DLG2: variants seen among roughly 807,000 people sequenced by gnomAD.
DLG2 encodes the protein discs large MAGUK scaffold protein 2.
DLG2 carries 45 observed loss-of-function variants against 132.5 expected under a neutral mutation model. That is an observed-to-expected ratio of 0.34 (90% CI 0.27 to 0.44). DLG2 has a LOEUF of 0.44. Among genes scored for constraint, DLG2 ranks in the 20% least tolerant of loss-of-function variants. DLG2 has a pLI of 1.00. For missense variants in DLG2, 1,045 were observed against 1,196.9 expected (o/e 0.87, Z 1.87); for synonymous variants, 424 against 419.6 (o/e 1.01, Z -0.13).
intron 6 of DLG2, among the ~76,000 whole-genome samples, chr11:84,675,445 A>G (rs933275952): frequency 6.6e-6 from 1 of 152,088 alleles, no homozygotes; most frequent in Non-Finnish European, 1.5e-5. Context: ...TATTTTTAAC[A>G]AATAAGATGA....
In DLG2 at chr11:84,709,638, G is replaced by A. The variant is rs2060148958; in HGVS notation, c.358-174907C>T. Among the ~76,000 whole-genome samples the A allele has an allele frequency of 2.6e-5, 4 of 151,966 alleles. No homozygotes were observed. The South Asian group carries it at 8.3e-4, about 32-fold the overall frequency. On this transcript the variant is annotated intron_variant, in intron 6 of 27. Transcript: ENST00000376104. ...CTCAGGACTTGCTTCTTACATCTATGTTTGCCTGCCCAAGAGCATACACAG... is the reference window on the plus strand; with the variant it reads ...CTCAGGACTTGCTTCTTACATCTATATTTGCCTGCCCAAGAGCATACACAG...
At chr11:84,001,737 G>A (rs192448234) in intron 11 of DLG2, among the ~76,000 whole-genome samples, 52 of 152,146 alleles carry the variant, frequency 3.4e-4, no homozygotes, top group African/African-American at 1.2e-3. Context: ...ATCTTATTGA[G>A]TATATTCTCA....
rs182588828 is a variant in DLG2, at chr11:85,433,383, A to C, written c.41-148018T>G. On this transcript the variant is annotated intron_variant, in intron 3 of 27. Transcript: ENST00000376104. ...AGACACAGACTGGCAAATTGGATAG[A>C]GTCAAAACCCACCAGTGTTCTGTAT... Among the ~76,000 whole-genome samples the C allele has an allele frequency of 7.2e-5, 11 of 152,304 alleles. 1 individual carries two copies. The East Asian group carries it at 2.1e-3, about 29-fold the overall frequency.
intron 22 of DLG2, among the ~76,000 whole-genome samples, chr11:83,474,107 C>T (rs1199563625): frequency 6.6e-6 from 1 of 152,032 alleles, no homozygotes; most frequent in Non-Finnish European, 1.5e-5. Context: ...AGAGAGTGGA[C>T]CTTGATGCTC....
intron 6 of DLG2, among the ~76,000 whole-genome samples, chr11:84,645,836 T>A (rs946799651): frequency 2.0e-5 from 3 of 152,210 alleles, no homozygotes; most frequent in African/African-American, 4.8e-5. Context: ...CCGTGCTTGA[T>A]TTTATTAATT....
chr11:84,699,519 A>C (rs1247221749), intron 6 of DLG2, among the ~76,000 whole-genome samples: 3 of 151,498 alleles, frequency 2.0e-5, no homozygotes, highest in Non-Finnish European at 4.4e-5. Flanking sequence ...AGACTAACTC[A>C]AGCAAAGTAA....
At chr11:83,537,831 AAAAAGAGAG>A (rs1193159813) in intron 20 of DLG2, among the ~76,000 whole-genome samples, 31 of 134,440 alleles carry the variant, frequency 2.3e-4, no homozygotes, top group African/African-American at 3.9e-4. Context: ...AAAAAAAAAA[AAAAAGAGAG>A]AGAGAGATAC....
chr11:83,517,068 C>T (rs1171225569), intron 21 of DLG2, among the ~76,000 whole-genome samples: 1 of 152,116 alleles, frequency 6.6e-6, no homozygotes, highest in Non-Finnish European at 1.5e-5. Context: ...TGAATGTTGG[C>T]CTGCCTTGCT....
At chr11:85,290,005 C>T (rs2078795010) in intron 3 of DLG2, among the ~76,000 whole-genome samples, 3 of 152,172 alleles carry the variant, frequency 2.0e-5, no homozygotes. Context: ...GGAATGAAGA[C>T]AATGTTCTAT....
intron 6 of DLG2, among the ~76,000 whole-genome samples, chr11:84,611,871 T>G (rs1190501327): frequency 6.6e-6 from 1 of 151,842 alleles, no homozygotes; most frequent in African/African-American, 2.4e-5. Context: ...ATGGGAAGAG[T>G]TGTAAAAATA....
At chr11:83,611,806 G>C (rs1351838267) in intron 19 of DLG2, among the ~76,000 whole-genome samples, 1 of 152,188 alleles carries the variant, frequency 6.6e-6, no homozygotes, top group Non-Finnish European at 1.5e-5. Context: ...GACACTGAGG[G>C]CTTGTTGCCA....
intron 6 of DLG2, among the ~76,000 whole-genome samples, chr11:84,542,233 T>C (rs1327518717): frequency 2.0e-5 from 3 of 152,146 alleles, no homozygotes; most frequent in African/African-American, 7.2e-5. Flanking sequence ...TGGCATATTA[T>C]CATACCTAAT....
chr11:84,325,205 G>A (rs569460629), intron 7 of DLG2, among the ~76,000 whole-genome samples: 2 of 151,860 alleles, frequency 1.3e-5, no homozygotes, highest in South Asian at 4.2e-4. Flanking sequence ...AATTTGTTGA[G>A]GTTTTTTTTA....
intron 3 of DLG2, among the ~76,000 whole-genome samples, chr11:85,463,928 T>C (rs1400326910): frequency 6.6e-6 from 1 of 150,534 alleles, no homozygotes; most frequent in African/African-American, 2.4e-5. Context: ...GCAAGCACTA[T>C]ACTATGAATT....
intron 7 of DLG2, among the ~76,000 whole-genome samples, chr11:84,477,813 T>A (rs971915870): frequency 1.3e-5 from 2 of 152,206 alleles, no homozygotes; most frequent in African/African-American, 4.8e-5. Flanking sequence ...GAGTATGTGC[T>A]GAAGTTAAAC....
chr11:84,253,215 G>C (rs1014471229), intron 7 of DLG2, among the ~76,000 whole-genome samples: 1 of 152,120 alleles, frequency 6.6e-6, no homozygotes, highest in Non-Finnish European at 1.5e-5. Flanking sequence ...AAAAAGGTAT[G>C]AGGTCTGCAG....
intron 6 of DLG2, among the ~76,000 whole-genome samples, chr11:84,914,693 G>A (rs1185002574): frequency 6.6e-6 from 1 of 152,196 alleles, no homozygotes; most frequent in Non-Finnish European, 1.5e-5. Context: ...GTCCTTTCGA[G>A]GCACTGGCCT....
intron 4 of DLG2, among the ~76,000 whole-genome samples, chr11:85,203,250 T>C (rs1428940603): frequency 1.3e-5 from 2 of 151,140 alleles, no homozygotes; most frequent in Non-Finnish European, 3.0e-5. Context: ...GAAAATCTGG[T>C]TTTTTAAAGA....
At chr11:83,638,667 A>T (rs1227868938) in intron 18 of DLG2, among the ~76,000 whole-genome samples, 1 of 152,108 alleles carries the variant, frequency 6.6e-6, no homozygotes, top group Non-Finnish European at 1.5e-5. Context: ...CACCAGGTCA[A>T]ATAGGAATGA....
Sources: allele counts gnomAD v4.1 joint callset (sites outside exome capture counted in the v4.1 genomes callset), GRCh38; gene constraint gnomAD v4.1.1; transcripts MANE v1.5; gene names NCBI Gene and HGNC (gene_info 2026-07-23, HGNC 2026-07-21).